RFX3: variants seen among roughly 807,000 people sequenced by gnomAD.
The protein encoded by RFX3 is regulatory factor X3.
RFX3 carries 14 observed loss-of-function variants against 98.6 expected under a neutral mutation model. That is an observed-to-expected ratio of 0.14 (90% CI 0.09 to 0.22). The LOEUF is 0.22. Among genes scored for constraint, RFX3 ranks in the 10% least tolerant of loss-of-function variants. The pLI, the probability that RFX3 is intolerant of heterozygous loss-of-function variation, is 1.00. For missense variants in RFX3, 639 were observed against 926.9 expected, an observed-to-expected ratio of 0.69 and a Z score of 4.03; for synonymous variants, 383 against 328.4, an observed-to-expected ratio of 1.17 and a Z score of -1.80.
intron 4 of RFX3, among the ~76,000 whole-genome samples, chr9:3,323,547 G>A (rs569145373): frequency 6.6e-6 from 1 of 152,104 alleles, no homozygotes; most frequent in Non-Finnish European, 1.5e-5. Flanking sequence ...AGATATATAA[G>A]AGGTTGCCTG....
chr9:3,334,472 CA>C (rs748886147), intron 3 of RFX3, among the ~76,000 whole-genome samples: 15 of 152,086 alleles, frequency 9.9e-5, no homozygotes, highest in Non-Finnish European at 2.9e-5. Context: ...CAGTAAAGAA[CA>C]GTAATGCAAA....
intron 1 of RFX3, among the ~76,000 whole-genome samples, chr9:3,400,672 G>A (rs1841389707): frequency 3.3e-5 from 5 of 152,168 alleles, no homozygotes; most frequent in Admixed American, 6.5e-5. Context: ...TATGACATTA[G>A]AGGGTATCAA....
At chr9:3,381,384 G>A (rs1182678415) in intron 2 of RFX3, among the ~76,000 whole-genome samples, 1 of 152,036 alleles carries the variant, frequency 6.6e-6, no homozygotes, top group Non-Finnish European at 1.5e-5. Context: ...TTTGTTCAAA[G>A]TAAAATTAAT....
At chr9:3,287,592 T>C (rs567476364) in intron 7 of RFX3, among the ~76,000 whole-genome samples, 1 of 152,078 alleles carries the variant, frequency 6.6e-6, no homozygotes, top group South Asian at 2.1e-4. Context: ...TCTATGATTC[T>C]ATTCATCCGT....
At chr9:3,420,860 T>C (rs2132340054) in intron 1 of RFX3, 1 of 985,078 alleles carries the variant, frequency 1.0e-6, no homozygotes, top group East Asian at 1.1e-4. Context: ...TTAAATCCCT[T>C]AGATCCTGAT....
chr9:3,342,968 C>A (rs559416334), intron 3 of RFX3, among the ~76,000 whole-genome samples: 1 of 152,336 alleles, frequency 6.6e-6, no homozygotes, highest in East Asian at 1.9e-4. Context: ...TCTATTCCAA[C>A]ACACAGTGCT....
At chr9:3,518,660 A>G (rs1818414112) in intron 1 of RFX3, among the ~76,000 whole-genome samples, 1 of 152,240 alleles carries the variant, frequency 6.6e-6, no homozygotes, top group Non-Finnish European at 1.5e-5. Flanking sequence ...ATAGAAATAA[A>G]GGAAATTACT....
intron 1 of RFX3, among the ~76,000 whole-genome samples, chr9:3,460,375 G>A (rs1847577460): frequency 6.6e-6 from 1 of 151,862 alleles, no homozygotes. Flanking sequence ...CTCAATCTAT[G>A]CATGGATGAA....
intron 7 of RFX3, among the ~76,000 whole-genome samples, chr9:3,285,143 T>C (rs1317093345): frequency 2.6e-5 from 4 of 151,848 alleles, no homozygotes; most frequent in Admixed American, 6.6e-5. Context: ...GACTTGCATT[T>C]CTTCACTATA....
intron 1 of RFX3, among the ~76,000 whole-genome samples, chr9:3,521,056 GT>G (rs1263365193): frequency 6.6e-6 from 1 of 151,900 alleles, no homozygotes; most frequent in African/African-American, 2.4e-5. Context: ...TTTTCCAGTG[GT>G]TTTTTTAAAG....
At chr9:3,516,586 C>G (rs1467877010) in intron 1 of RFX3, among the ~76,000 whole-genome samples, 1 of 152,096 alleles carries the variant, frequency 6.6e-6, no homozygotes, top group Admixed American at 6.5e-5. Flanking sequence ...TAGACCTTGA[C>G]GGGATTTTTA....
intron 1 of RFX3, among the ~76,000 whole-genome samples, chr9:3,524,285 A>T (rs546372240): frequency 6.6e-6 from 1 of 152,326 alleles, no homozygotes; most frequent in African/African-American, 2.4e-5. Flanking sequence ...CCAAGAACCT[A>T]CTATATAAGG....
At chr9:3,240,912 G>T (rs1033512358) in intron 15 of RFX3, among the ~76,000 whole-genome samples, 4 of 152,180 alleles carry the variant, frequency 2.6e-5, no homozygotes, top group Non-Finnish European at 4.4e-5. Flanking sequence ...TTTTTCTCTG[G>T]TTGGGTCTGC....
intron 2 of RFX3, among the ~76,000 whole-genome samples, chr9:3,381,669 TTTCTC>T (rs1311739777): frequency 2.0e-5 from 3 of 152,084 alleles, no homozygotes; most frequent in Admixed American, 2.0e-4. Context: ...TTTTCCTTGA[TTTCTC>T]TTCTTTAATC....
At chr9:3,344,967 T>G in intron 3 of RFX3, 1 of 619,898 alleles carries the variant, frequency 1.6e-6, no homozygotes, top group Non-Finnish European at 2.9e-6. Context: ...TAACAGAAAT[T>G]TACTGACTTT....
intron 1 of RFX3, among the ~76,000 whole-genome samples, chr9:3,438,105 C>T (rs1419468366): frequency 1.3e-5 from 2 of 152,104 alleles, no homozygotes; most frequent in Non-Finnish European, 2.9e-5. Context: ...GCACCTCAGG[C>T]TCCAGTGTGT....
chr9:3,301,034 C>T (rs1266336962), intron 5 of RFX3, among the ~76,000 whole-genome samples: 1 of 151,706 alleles, frequency 6.6e-6, no homozygotes, highest in African/African-American at 2.4e-5. Context: ...GTCTTAGGAC[C>T]TGAATTCAAC....
chr9:3,413,721 T>C (rs892535107), intron 1 of RFX3, among the ~76,000 whole-genome samples: 6 of 152,100 alleles, frequency 3.9e-5, no homozygotes, highest in East Asian at 1.9e-4. Flanking sequence ...GTAGAGACAG[T>C]TGGAGCAAAT....
At chr9:3,259,592 T>C (rs544563384) in intron 13 of RFX3, among the ~76,000 whole-genome samples, 2 of 150,934 alleles carry the variant, frequency 1.3e-5, no homozygotes, top group African/African-American at 4.9e-5. Context: ...CTATATGCAA[T>C]AGCTAAGTTA....
Sources: gnomAD v4.1 joint callset for allele counts (sites outside exome capture counted in the v4.1 genomes callset) on GRCh38, gnomAD v4.1.1 for gene constraint, MANE v1.5 for transcripts, NCBI Gene and HGNC (gene_info 2026-07-23, HGNC 2026-07-21) for gene names.